Variants in SARDH observed in about 807,000 individuals in gnomAD.
SARDH encodes the protein sarcosine dehydrogenase.
A neutral mutation model predicts 109.1 loss-of-function variants in SARDH; 95 were observed. The ratio of observed to expected loss-of-function variants is 0.87; its 90% CI spans 0.74 to 1.03. The LOEUF is 1.03. Among genes scored for constraint, SARDH ranks in the 50% least tolerant of loss-of-function variants. SARDH has a pLI of 0.00. For missense variants in SARDH, 1,267 were observed against 1,287.8 expected (o/e 0.98, Z 0.25); for synonymous variants, 572 against 534.8 (o/e 1.07, Z -0.96).
At chr9:133,697,423 T>G (rs940062546) in intron 13 of SARDH, among the ~76,000 whole-genome samples, 11 of 152,228 alleles carry the variant, frequency 7.2e-5, no homozygotes, top group African/African-American at 2.7e-4. Context: ...CAATTCACTC[T>G]AGGAGGCCAG....
At chr9:133,670,901 TCC>T (rs2131332414) in intron 18 of SARDH, 149 bp from the exon 19 acceptor site, 1 of 1,186,500 alleles carries the variant, frequency 8.4e-7, no homozygotes, top group Non-Finnish European at 1.1e-6. Flanking sequence ...GGCAGGGGCA[TCC>T]CCAACTCCAG....
In SARDH at chr9:133,712,859, G is replaced by T; in HGVS notation, c.1238-150C>A. On this transcript the variant is annotated intron_variant, in intron 9 of 20. Transcript: ENST00000439388. This position sits in a 1 kb window ranked among gnomAD's most constrained non-coding sequence, Gnocchi z 4.1. ...CTGCACGCCTCCTGATTGGACTGCT[G>T]CTGGACTGGACCCTGGCACAGGTGC... The T allele has an allele frequency of 1.1e-6, 1 of 925,434 alleles. No individual in the cohort carries two copies. Among genetic ancestry groups the T allele is most frequent in the Non-Finnish European group, 1.7e-6 (1 of 605,538 alleles). The allele number at this position is 925,434 out of a possible 1,614,324, so 57.3% of individuals were successfully genotyped here.
At chr9:133,671,730 A>G in intron 17 of SARDH, 33 bp from the exon 18 acceptor site, 1 of 1,542,040 alleles carries the variant, frequency 6.5e-7, no homozygotes, top group Non-Finnish European at 8.8e-7. Flanking sequence ...AGATGTGGCC[A>G]TGTAAGATGG....
chr9:133,737,295 T>C (rs756233320), intron 1 of SARDH, among the ~76,000 whole-genome samples: 12 of 152,206 alleles, frequency 7.9e-5, no homozygotes, highest in Admixed American at 2.6e-4. Flanking sequence ...GGGAGTCTGA[T>C]TGCAGCGGCG....
At chr9:133,739,025 A>G (rs541095508), upstream of SARDH, among the ~76,000 whole-genome samples, 4 of 152,280 alleles carry the variant, frequency 2.6e-5, no homozygotes, top group South Asian at 8.3e-4. Context: ...AGGGGGCCAC[A>G]CAGCAAGCTG....
In SARDH at chr9:133,676,076, C is replaced by G. The variant is rs377333303; in HGVS notation, c.2164-4379G>C. On this transcript the variant is annotated intron_variant, in intron 17 of 20. Transcript: ENST00000439388. ...GCTGCACTCCAGCCTGGGTGACAGA[C>G]TAAGACCCTGTCTGAAATTAAAAAA... Among the ~76,000 whole-genome samples the G allele has an allele frequency of 3.2e-4, 47 of 147,360 alleles. No homozygotes were observed. In the South Asian group the frequency reaches 7.4e-3, roughly 23 times the overall value.
Position 133,731,541 on chromosome 9 carries a change from T to A in SARDH, c.511-57A>T, listed in dbSNP as rs542318113. ...CGTGGGGAGCAGACCCCTGGGCCAC[T>A]CCCCTCCCCAACTGGGCATCCACCG... On this transcript the variant is annotated intron_variant, in intron 3 of 20. Transcript: ENST00000439388. The A allele has an allele frequency of 7.7e-6, 12 of 1,560,164 alleles. No homozygotes were observed. The African/African-American group carries it at 1.4e-4, about 18-fold the overall frequency.
At chr9:133,694,698 G>A (rs1831221775) in intron 14 of SARDH, among the ~76,000 whole-genome samples, 1 of 152,226 alleles carries the variant, frequency 6.6e-6, no homozygotes, top group Non-Finnish European at 1.5e-5. Flanking sequence ...CTAGGGACAG[G>A]ATTCATGCCC....
At chr9:133,689,173 A>C (rs1467568385) in intron 16 of SARDH, among the ~76,000 whole-genome samples, 4 of 150,418 alleles carry the variant, frequency 2.7e-5, no homozygotes, top group Admixed American at 6.6e-5. Flanking sequence ...CTGGAGACTC[A>C]TCTCCCCCCC....
At chr9:133,701,570 G>A (rs1831488503) in intron 13 of SARDH, among the ~76,000 whole-genome samples, 1 of 152,230 alleles carries the variant, frequency 6.6e-6, no homozygotes, top group South Asian at 2.1e-4. Flanking sequence ...ACAAAGCCAA[G>A]TTGGCATCTC....
rs756688290 is a variant in SARDH at position 133,663,874 on chromosome 9, A to T, written c.*15T>A. On this transcript the variant is annotated 3_prime_UTR_variant, in exon 21 of 21. Coordinates refer to ENST00000439388, the MANE Select transcript of SARDH (RefSeq NM_001134707.2). ...ATGGATGGACAGCATGGGATGGGGC[A>T]TGTGGTCTGAGCCCTCAGTAGATTC... 2.5e-6 allele frequency: 4 copies of T among 1,613,700 alleles called. No homozygotes were observed. The Admixed American group carries it at 5.0e-5, about 20-fold the overall frequency.
rs547412259 is a variant in SARDH, at chr9:133,728,013, C to A, written c.915+1752G>T. ...ACTGAGACCTGAGCGTGACCCCTGG[C>A]GGCCACCTAGGGGAGGAGGCTCTCC... is the stretch of plus-strand genomic sequence containing the variant. On this transcript the variant is annotated intron_variant, in intron 6 of 20. Coordinates refer to ENST00000439388, the MANE Select transcript of SARDH (RefSeq NM_001134707.2). The surrounding 1 kb of genome is among the most constrained non-coding windows in gnomAD (Gnocchi z 5.0). Among the ~76,000 whole-genome samples, 3 of 152,092 alleles carry A rather than the reference C, an allele frequency of 2.0e-5. No individual in the cohort carries two copies. The highest frequency in any genetic ancestry group is 7.2e-5 in the African/African-American group (3 of 41,418).
intron 1 of SARDH, among the ~76,000 whole-genome samples, chr9:133,735,668 T>G (rs1038643905): frequency 6.6e-6 from 1 of 152,236 alleles, no homozygotes; most frequent in Non-Finnish European, 1.5e-5. Context: ...AGAGGGCATG[T>G]GCACATTGAT....
intron 20 of SARDH, among the ~76,000 whole-genome samples, chr9:133,664,695 C>G (rs1830001568): frequency 6.6e-6 from 1 of 152,206 alleles, no homozygotes; most frequent in South Asian, 2.1e-4. Context: ...GGGCTCCGCT[C>G]TGGGAGTCAG....
chr9:133,713,665 G>A (rs770628488), intron 8 of SARDH, among the ~76,000 whole-genome samples: 1 of 152,240 alleles, frequency 6.6e-6, no homozygotes, highest in African/African-American at 2.4e-5. Flanking sequence ...CCACTCCGGC[G>A]GCCACAGCTG....
rs1300197010 is a variant in SARDH, at chr9:133,692,628, G to C, written c.1921+1630C>G. On this transcript the variant is annotated intron_variant, in intron 15 of 20. Coordinates refer to ENST00000439388, the MANE Select transcript of SARDH (RefSeq NM_001134707.2). The surrounding 1 kb of genome is among the most constrained non-coding windows in gnomAD (Gnocchi z 5.0). ...CCATCCCCTTGCATGTCCCCCTCCA[G>C]GTGTTACGGGGCCCTTCCTGCCCCC... Among the ~76,000 whole-genome samples, 2 of 152,108 alleles carry C rather than the reference G, an allele frequency of 1.3e-5. No individual in the cohort carries two copies. The highest frequency in any genetic ancestry group is 2.9e-5 in the Non-Finnish European group (2 of 68,010).
intron 19 of SARDH, among the ~76,000 whole-genome samples, chr9:133,669,282 C>A (rs1415420736): frequency 1.3e-4 from 2 of 15,906 alleles, no homozygotes; most frequent in African/African-American, 3.0e-4. Context: ...CTCACCCTCC[C>A]TCTCCCTCAC....
chr9:133,732,694 A>C, intron 2 of SARDH, 93 bp from the exon 3 acceptor site: 9 of 1,364,478 alleles, frequency 6.6e-6, no homozygotes, highest in Non-Finnish European at 8.9e-6. Flanking sequence ...ATATTCAACC[A>C]TGGGTGTCTT....
At chr9:133,676,233 A>G (rs1371741056) in intron 17 of SARDH, among the ~76,000 whole-genome samples, 1 of 152,206 alleles carries the variant, frequency 6.6e-6, no homozygotes, top group Non-Finnish European at 1.5e-5. Flanking sequence ...TTATAAACAC[A>G]TCACGCTAAG....
Sources: allele counts gnomAD v4.1 joint callset (sites outside exome capture counted in the v4.1 genomes callset), GRCh38; gene constraint gnomAD v4.1.1; non-coding constraint Gnocchi (gnomAD v3.1); transcripts MANE v1.5; gene names NCBI Gene and HGNC (gene_info 2026-07-23, HGNC 2026-07-21).